Variants in KCNMA1 observed in about 807,000 individuals in gnomAD.
KCNMA1 encodes Calcium-activated potassium channel subunit alpha-1.
Under a neutral mutation model 140.0 loss-of-function variants are expected in KCNMA1, and 29 were observed. The ratio of observed to expected loss-of-function variants is 0.21; its 90% confidence interval spans 0.15 to 0.28. The LOEUF (loss-of-function observed/expected upper bound fraction) is 0.28, where lower values mean the gene tolerates loss of function less well. Ranked by LOEUF, KCNMA1 falls within the 10% of genes least tolerant of loss-of-function variation. The pLI is 1.00. For missense variants in KCNMA1, 880 were observed against 1,602.2 expected, an observed-to-expected ratio of 0.55 and a Z score of 7.70; for synonymous variants, 612 against 611.9, an observed-to-expected ratio of 1.00 and a Z score of 0.00.
intron 1 of KCNMA1, among the ~76,000 whole-genome samples, chr10:77,609,966 G>C (rs1351376975): frequency 2.0e-5 from 3 of 152,222 alleles, no homozygotes; most frequent in Admixed American, 6.5e-5. Context: ...AGAAAAAGCA[G>C]TAACAAGGCG....
At chr10:77,447,579 G>A (rs1430130893) in intron 1 of KCNMA1, among the ~76,000 whole-genome samples, 1 of 152,230 alleles carries the variant, frequency 6.6e-6, no homozygotes, top group Non-Finnish European at 1.5e-5. Context: ...ATGACATGAG[G>A]CCAATGAAAT....
At chr10:77,591,258 G>A (rs2079061592) in intron 1 of KCNMA1, among the ~76,000 whole-genome samples, 1 of 152,182 alleles carries the variant, frequency 6.6e-6, no homozygotes, top group Non-Finnish European at 1.5e-5. Flanking sequence ...TGCCAGCAGG[G>A]CAAAGGCAGG....
At chr10:76,881,239 A>G (rs761133568), downstream of KCNMA1, among the ~76,000 whole-genome samples, 2 of 152,210 alleles carry the variant, frequency 1.3e-5, no homozygotes, top group Non-Finnish European at 1.5e-5. Flanking sequence ...AAGCAGATCT[A>G]GCTCACGTAC....
At chr10:77,119,536 A>G (rs1405850943) in intron 6 of KCNMA1, among the ~76,000 whole-genome samples, 1 of 152,310 alleles carries the variant, frequency 6.6e-6, no homozygotes, top group Admixed American at 6.5e-5. Flanking sequence ...AGTGAATCTG[A>G]CATACGTAAA....
At chr10:76,888,189 A>C (rs1352127982) in intron 27 of KCNMA1, 1 of 154,200 alleles carries the variant, frequency 6.5e-6, no homozygotes, top group Non-Finnish European at 1.4e-5. Context: ...AGGAACTAGG[A>C]AATGCAAGTT....
At chr10:77,404,598 A>G (rs776649665) in intron 1 of KCNMA1, among the ~76,000 whole-genome samples, 22 of 152,144 alleles carry the variant, frequency 1.4e-4, no homozygotes, top group Non-Finnish European at 2.8e-4. Context: ...AGGAAACGCA[A>G]TCTGTCTAAG....
At chr10:77,085,042 C>T (rs992435894) in intron 11 of KCNMA1, among the ~76,000 whole-genome samples, 1 of 152,194 alleles carries the variant, frequency 6.6e-6, no homozygotes, top group Non-Finnish European at 1.5e-5. Context: ...TCCTCCCCAC[C>T]TCCTTTCTCA....
At chr10:77,118,090 T>C (rs192409408) in intron 6 of KCNMA1, among the ~76,000 whole-genome samples, 1 of 152,326 alleles carries the variant, frequency 6.6e-6, no homozygotes, top group Admixed American at 6.5e-5. Flanking sequence ...TATTTCAAAT[T>C]GCATTGCAAA....
chr10:76,886,612 G>C lies in KCNMA1; in HGVS notation c.*654C>G. On this transcript the variant is annotated 3_prime_UTR_variant, in exon 28 of 28. Coordinates refer to ENST00000286628, the MANE Select transcript of KCNMA1 (RefSeq NM_001161352.2). Reference sequence around the variant, plus strand: ...TCATAAGAACTCCCAGAGGGAACTGGCTCTGGGACAAAAGGCCTTGGTGAG... The same window carrying C: ...TCATAAGAACTCCCAGAGGGAACTGCCTCTGGGACAAAAGGCCTTGGTGAG... 2 of 988,976 alleles carry C rather than the reference G, an allele frequency of 2.0e-6. No individual in the cohort carries two copies. The highest frequency in any genetic ancestry group is 2.4e-6 in the Non-Finnish European group (2 of 832,026). 61.3% of individuals were successfully genotyped at this position (988,976 alleles called of 1,614,324 possible).
At chr10:77,052,260 C>T (rs1003451870) in intron 14 of KCNMA1, among the ~76,000 whole-genome samples, 3 of 152,172 alleles carry the variant, frequency 2.0e-5, no homozygotes, top group Non-Finnish European at 4.4e-5. Flanking sequence ...CTCTCTGCCA[C>T]CCATGGACTT....
intron 19 of KCNMA1, among the ~76,000 whole-genome samples, chr10:76,990,654 T>C (rs2082475744): frequency 6.6e-6 from 1 of 152,208 alleles, no homozygotes; most frequent in Non-Finnish European, 1.5e-5. Context: ...CTCTCTTCTC[T>C]GCAGGTCATT....
chr10:77,217,228 C>A (rs113892862), intron 3 of KCNMA1, among the ~76,000 whole-genome samples: 2,951 of 151,718 alleles, frequency 0.019, 97 homozygotes, highest in African/African-American at 0.067. Flanking sequence ...TCGCTTGAAC[C>A]TAGAAGGTGG....
intron 2 of KCNMA1, among the ~76,000 whole-genome samples, chr10:77,337,485 T>A (rs2089506165): frequency 6.6e-6 from 1 of 152,122 alleles, no homozygotes; most frequent in South Asian, 2.1e-4. Flanking sequence ...CTGGGTGTGG[T>A]GCTGCACACC....
Position 76,886,316 on chromosome 10 carries a change from C to T in KCNMA1, c.*950G>A. The T allele has an allele frequency of 1.0e-6, 1 of 985,212 alleles. No homozygotes were observed. Among genetic ancestry groups the T allele is most frequent in the Non-Finnish European group, 1.2e-6 (1 of 829,826 alleles). The allele number at this position is 985,212 out of a possible 1,614,324, so 61.0% of individuals were successfully genotyped here. On this transcript the variant is annotated 3_prime_UTR_variant, in exon 28 of 28. Coordinates refer to ENST00000286628, the MANE Select transcript of KCNMA1 (RefSeq NM_001161352.2). ...TTTCCTGAGCATTATTTATTCTGTA[C>T]ATAAGGTAAGTAATTCACCTTTTAA...
intron 1 of KCNMA1, among the ~76,000 whole-genome samples, chr10:77,480,725 C>G (rs1439333892): frequency 2.6e-5 from 4 of 152,078 alleles, no homozygotes; most frequent in East Asian, 1.9e-4. Context: ...CGCAGCTTCC[C>G]CCTCCCGGCA....
intron 1 of KCNMA1, among the ~76,000 whole-genome samples, chr10:77,629,421 A>C (rs2092926347): frequency 6.6e-6 from 1 of 152,236 alleles, no homozygotes; most frequent in African/African-American, 2.4e-5. Context: ...CAACAAACCA[A>C]GCCCATCTCT....
intron 1 of KCNMA1, among the ~76,000 whole-genome samples, chr10:77,567,878 G>A (rs926355607): frequency 2.6e-5 from 4 of 152,198 alleles, no homozygotes; most frequent in Non-Finnish European, 4.4e-5. Context: ...GACTGCTTGA[G>A]CTCAGGAGTC....
At chr10:77,613,508 A>T (rs999976433) in intron 1 of KCNMA1, among the ~76,000 whole-genome samples, 4 of 152,354 alleles carry the variant, frequency 2.6e-5, no homozygotes, top group Non-Finnish European at 5.9e-5. Flanking sequence ...TTGGCTGCCA[A>T]GGGAGCCCTC....
At chr10:77,119,161 G>A (rs2097543751) in intron 6 of KCNMA1, among the ~76,000 whole-genome samples, 1 of 152,202 alleles carries the variant, frequency 6.6e-6, no homozygotes, top group South Asian at 2.1e-4. Context: ...GCAGTTGGCA[G>A]GTGAGCTGAC....
Sources: allele counts gnomAD v4.1 joint callset (sites outside exome capture counted in the v4.1 genomes callset), GRCh38; gene constraint gnomAD v4.1.1; transcripts MANE v1.5; gene names NCBI Gene and HGNC (gene_info 2026-07-23, HGNC 2026-07-21).